Variants in RORC observed in about 807,000 individuals in gnomAD.
RORC encodes the protein nuclear receptor ROR-gamma.
Under a neutral mutation model 64.5 loss-of-function variants are expected in RORC, and 13 were observed. The observed-to-expected ratio is 0.20, with a 90% CI of 0.13 to 0.32. The LOEUF (loss-of-function observed/expected upper bound fraction) is 0.32, where lower values mean the gene tolerates loss of function less well. RORC is among the 10% of genes least tolerant of loss of function. The pLI is 1.00. For missense variants in RORC, 468 were observed against 669.5 expected, an observed-to-expected ratio of 0.70 and a Z score of 3.32; for synonymous variants, 277 against 259.3, an observed-to-expected ratio of 1.07 and a Z score of -0.65.
intron 2 of RORC, among the ~76,000 whole-genome samples, chr1:151,826,535 T>G (rs1249611873): frequency 6.6e-6 from 1 of 152,162 alleles, no homozygotes; most frequent in African/African-American, 2.4e-5. Context: ...TGGTGCAGCC[T>G]GGGGGGCTGT....
chr1:151,817,694 G>C (rs1268785309), intron 2 of RORC, among the ~76,000 whole-genome samples: 1 of 152,240 alleles, frequency 6.6e-6, no homozygotes, highest in African/African-American at 2.4e-5. Context: ...TCCCTCGCTG[G>C]GGCTCAGCTC....
At chr1:151,821,718 A>T (rs1402252762) in intron 2 of RORC, among the ~76,000 whole-genome samples, 2 of 152,164 alleles carry the variant, frequency 1.3e-5, no homozygotes, top group African/African-American at 4.8e-5. Flanking sequence ...CTTTATGAGG[A>T]TAAGACGCCC....
At chr1:151,816,275 G>A (rs1232547740) in intron 4 of RORC, among the ~76,000 whole-genome samples, 1 of 152,218 alleles carries the variant, frequency 6.6e-6, no homozygotes, top group African/African-American at 2.4e-5. Flanking sequence ...CTGTGTCCAA[G>A]TATGGGAATG....
intron 2 of RORC, chr1:151,825,810 G>A: frequency 1.6e-6 from 2 of 1,222,416 alleles, no homozygotes; most frequent in Non-Finnish European, 2.4e-6. Context: ...TCTTGACCTT[G>A]ACCAGGACGC....
intron 5 of RORC, 47 bp from the exon 6 acceptor site, chr1:151,814,742 C>A (rs746242735): frequency 3.8e-6 from 6 of 1,584,150 alleles, no homozygotes; most frequent in East Asian, 2.3e-5. Context: ...CCAGCTCCTA[C>A]GCCTACCCAT....
chr1:151,817,134 GCGCGCGCGCGCT>G (rs1651794554), intron 3 of RORC, 49 bp downstream of exon 3: 137 of 330,412 alleles, frequency 4.1e-4, no homozygotes, highest in Middle Eastern at 3.4e-3. Context: ...GTGTGTGTGC[GCGCGCGCGCGCT>G]TGTGTATGCA....
chr1:151,807,507 T>A lies in RORC; in HGVS notation c.1522A>T (p.Thr508Ser). ...AGCCCCACAGGTGACTCGGTTTCAG[T>A]GCTGAAGAGCTCCTTGTAGAGTGGA... Reference protein sequence around the residue: ...FPPLYKELFSTETESPVGLSK With the variant: ...FPPLYKELFSSETESPVGLSK Residue 508 changes from threonine to serine, a missense_variant, in exon 11 of 11, where the codon ACT (threonine) becomes TCT (serine). Thr to Ser is a moderately conservative substitution (Grantham distance 58, BLOSUM62 1). Coordinates refer to ENST00000318247, the MANE Select transcript of RORC (RefSeq NM_005060.4). The surrounding 1 kb of genome is among the most constrained non-coding windows in gnomAD (Gnocchi z 5.0). 1.2e-6 allele frequency: 2 copies of A among 1,614,110 alleles called. No individual in the cohort carries two copies. Among genetic ancestry groups the A allele is most frequent in the South Asian group, 2.2e-5 (2 of 91,078 alleles).
intron 4 of RORC, 147 bp downstream of exon 4, chr1:151,816,517 A>T (rs1651759837): frequency 1.2e-6 from 1 of 810,174 alleles, no homozygotes; most frequent in African/African-American, 1.8e-5. Flanking sequence ...CCTGGAGGGG[A>T]GGAGACAAGG....
At chr1:151,813,369 G>T (rs200611527) in intron 7 of RORC, 23 bp from the exon 8 acceptor site, 4 of 1,610,624 alleles carry the variant, frequency 2.5e-6, no homozygotes, top group Non-Finnish European at 3.4e-6. Context: ...GAGAGAAGAT[G>T]CAGGGACAGT....
At chr1:151,817,841 G>A (rs1651829239) in intron 2 of RORC, among the ~76,000 whole-genome samples, 1 of 152,218 alleles carries the variant, frequency 6.6e-6, no homozygotes, top group Non-Finnish European at 1.5e-5. Context: ...GGGGGTGGCA[G>A]GGAGGAACCC....
rs753377311 is a variant in RORC at position 151,830,024 on chromosome 1, G to A, written c.41-566C>T. 2.6e-5 allele frequency among the ~76,000 whole-genome samples: 4 copies of A among 152,224 alleles called. No individual in the cohort carries two copies. Among genetic ancestry groups the A allele is most frequent in the African/African-American group, 4.8e-5 (2 of 41,446 alleles). ...GTGCACAAGAAATATCCTACAGCCA[G>A]AGTTAAATCTCTGTGGGACTGAAAT... On this transcript the variant is annotated intron_variant, in intron 1 of 10. Coordinates refer to ENST00000318247, the MANE Select transcript of RORC (RefSeq NM_005060.4). The surrounding 1 kb of genome is among the most constrained non-coding windows in gnomAD (Gnocchi z 4.0).
chr1:151,814,427 C>A, intron 6 of RORC, 147 bp downstream of exon 6: 1 of 745,346 alleles, frequency 1.3e-6, no homozygotes, highest in East Asian at 2.7e-5. Context: ...CGCAACTGTA[C>A]ATAAAAGGTG....
intron 2 of RORC, among the ~76,000 whole-genome samples, chr1:151,819,510 C>T (rs1316939319): frequency 1.3e-5 from 2 of 152,190 alleles, no homozygotes; most frequent in Non-Finnish European, 2.9e-5. Context: ...TTTCAGTGGC[C>T]TAAGACCAGA....
chr1:151,830,925 C>T lies in RORC; in HGVS notation c.40+800G>A. ...CTGTGGTGGGGGTGCTCCCCTTGCT[C>T]ACCCAGGCAGCCAGTTCTTCCTCCA... On this transcript the variant is annotated intron_variant, in intron 1 of 10. Coordinates refer to ENST00000318247, the MANE Select transcript of RORC (RefSeq NM_005060.4). The surrounding 1 kb of genome is among the most constrained non-coding windows in gnomAD (Gnocchi z 4.0). The T allele has an allele frequency of 7.8e-7, 1 of 1,288,340 alleles. No individual in the cohort carries two copies. The highest frequency in any genetic ancestry group is 1.0e-6 in the Non-Finnish European group (1 of 988,356). 79.8% of individuals were successfully genotyped at this position (1,288,340 alleles called of 1,614,324 possible).
At chr1:151,819,941 C>G (rs1306827101) in intron 2 of RORC, among the ~76,000 whole-genome samples, 1 of 152,184 alleles carries the variant, frequency 6.6e-6, no homozygotes, top group Non-Finnish European at 1.5e-5. Flanking sequence ...AGACTCTGAG[C>G]TAGAATGTCA....
At chr1:151,826,975 A>G (rs1204481062) in intron 2 of RORC, among the ~76,000 whole-genome samples, 1 of 152,110 alleles carries the variant, frequency 6.6e-6, no homozygotes, top group Non-Finnish European at 1.5e-5. Flanking sequence ...AAAATTAGCC[A>G]GGCATGGTGG....
rs778026249 is a variant in RORC, at chr1:151,813,283, AAGAC to A, written c.1126_1129del (p.Val376PhefsTer31). 6.2e-7 allele frequency: 1 copy of A among 1,614,180 alleles called. No homozygotes were observed. Among genetic ancestry groups the A allele is most frequent in the Admixed American group, 1.7e-5 (1 of 60,026 alleles). ...CATGCCACCGTATTTGCCTTCAAAA[AAGAC>A]CGTGCGGTTGTCAGCATTGTAGGCC... On this transcript the variant is annotated frameshift_variant, in exon 8 of 11. Transcript: ENST00000318247. LOFTEE classifies it high-confidence loss of function.
At chr1:151,819,536 C>T (rs141953784) in intron 2 of RORC, among the ~76,000 whole-genome samples, 93 of 152,286 alleles carry the variant, frequency 6.1e-4, no homozygotes, top group African/African-American at 2.1e-3. Flanking sequence ...GAGAAACCAA[C>T]GTGGGCCACC....
At chr1:151,829,497 A>C (rs780453640) in intron 1 of RORC, 39 bp from the exon 2 acceptor site, 8 of 1,490,578 alleles carry the variant, frequency 5.4e-6, no homozygotes, top group Non-Finnish European at 7.1e-6. Context: ...CAAAGGTTGA[A>C]GATCATGAGG....
Sources: gnomAD v4.1 joint callset for allele counts (sites outside exome capture counted in the v4.1 genomes callset) on GRCh38, gnomAD v4.1.1 for gene constraint, Gnocchi (gnomAD v3.1) non-coding constraint, MANE v1.5 for transcripts, NCBI Gene and HGNC (gene_info 2026-07-23, HGNC 2026-07-21) for gene names.